Variants in JAKMIP2 observed in about 807,000 individuals in gnomAD.
JAKMIP2 encodes the protein janus kinase and microtubule-interacting protein 2.
A neutral mutation model predicts 115.0 loss-of-function variants in JAKMIP2; 25 were observed. That is an observed-to-expected ratio of 0.22 (90% CI 0.16 to 0.30). The LOEUF (loss-of-function observed/expected upper bound fraction) is 0.30. Among genes scored for constraint, JAKMIP2 ranks in the 10% least tolerant of loss-of-function variants. The pLI is 1.00. For missense variants in JAKMIP2, 642 were observed against 957.6 expected (o/e 0.67, Z 4.35); for synonymous variants, 334 against 343.6 (o/e 0.97, Z 0.31).
intron 1 of JAKMIP2, among the ~76,000 whole-genome samples, chr5:147,779,424 A>T (rs1043486235): frequency 9.9e-5 from 15 of 151,788 alleles, no homozygotes; most frequent in East Asian, 3.8e-4. Flanking sequence ...TTGTTTTTTT[A>T]AAAAAAACAA....
At chr5:147,691,327 G>T (rs1751841701) in intron 1 of JAKMIP2, among the ~76,000 whole-genome samples, 2 of 152,070 alleles carry the variant, frequency 1.3e-5, no homozygotes, top group Non-Finnish European at 2.9e-5. Context: ...ACAGACTGGG[G>T]AATGCTATTA....
intron 1 of JAKMIP2, among the ~76,000 whole-genome samples, chr5:147,760,324 G>C (rs1754887696): frequency 6.6e-6 from 1 of 151,540 alleles, no homozygotes; most frequent in South Asian, 2.1e-4. Context: ...AGAAAACAAG[G>C]AAGTCAAGCA....
intron 1 of JAKMIP2, among the ~76,000 whole-genome samples, chr5:147,721,668 T>C (rs1215162203): frequency 1.3e-5 from 2 of 152,208 alleles, no homozygotes; most frequent in African/African-American, 2.4e-5. Flanking sequence ...CCTGACCCCT[T>C]GCGCTTCCCA....
intron 2 of JAKMIP2, among the ~76,000 whole-genome samples, chr5:147,669,419 C>T (rs1018495376): frequency 1.3e-5 from 2 of 152,164 alleles, no homozygotes; most frequent in East Asian, 3.9e-4. Flanking sequence ...GCTTGGCCTG[C>T]GGGCTTAGAC....
intron 7 of JAKMIP2, among the ~76,000 whole-genome samples, chr5:147,642,931 C>T (rs879191547): frequency 1.3e-5 from 2 of 152,024 alleles, no homozygotes; most frequent in African/African-American, 4.8e-5. Flanking sequence ...GGCAGAAGCA[C>T]GTGAAGAGAC....
In JAKMIP2 at chr5:147,626,248, G is replaced by A. The variant is rs1757087323; in HGVS notation, c.1995+2503C>T. ...AACAGACCATGAGCACTTTAGGGAA[G>A]GCTTGTGTCTTGTTCATCTGGTTCC... On this transcript the variant is annotated intron_variant, in intron 16 of 21. Coordinates refer to ENST00000616793, the MANE Select transcript of JAKMIP2 (RefSeq NM_001270941.2). 3.9e-5 allele frequency among the ~76,000 whole-genome samples: 6 copies of A among 152,204 alleles called. No individual in the cohort carries two copies. The South Asian group carries it at 1.2e-3, about 32-fold the overall frequency.
chr5:147,641,909 G>A (rs1757897898), intron 7 of JAKMIP2, 145 bp from the exon 8 acceptor site: 2 of 625,218 alleles, frequency 3.2e-6, no homozygotes, highest in Admixed American at 3.0e-5. Flanking sequence ...CAACTTTTGG[G>A]ATTGATACTT....
At chr5:147,777,292 T>C (rs920424880) in intron 1 of JAKMIP2, among the ~76,000 whole-genome samples, 2 of 152,102 alleles carry the variant, frequency 1.3e-5, no homozygotes, top group African/African-American at 2.4e-5. Flanking sequence ...AAAAGTAAAG[T>C]GTGAACACTC....
chr5:147,595,836 A>G (rs1273947153), intron 21 of JAKMIP2, among the ~76,000 whole-genome samples: 1 of 152,162 alleles, frequency 6.6e-6, no homozygotes, highest in African/African-American at 2.4e-5. Context: ...ACAAAATTAT[A>G]TGGTCATTAT....
intron 1 of JAKMIP2, among the ~76,000 whole-genome samples, chr5:147,755,635 ATTAACTTTTATTTTTAATTT>A (rs1358774180): frequency 6.6e-6 from 1 of 152,104 alleles, no homozygotes; most frequent in East Asian, 1.9e-4. Context: ...ACCAAGGCAG[ATTAACTTTTATTTTTAATTT>A]TTTTTAGAGA....
intron 1 of JAKMIP2, among the ~76,000 whole-genome samples, chr5:147,757,296 C>T (rs1754781020): frequency 6.6e-6 from 1 of 152,062 alleles, no homozygotes; most frequent in Admixed American, 6.6e-5. Flanking sequence ...CGAGGGAGAA[C>T]CCTTCACAGG....
chr5:147,589,725 T>A lies in JAKMIP2; in HGVS notation c.*1982A>T, dbSNP rs1045270022. The A allele has an allele frequency of 4.6e-5, 7 of 152,304 alleles. No homozygotes were observed. Among genetic ancestry groups the A allele is most frequent in the African/African-American group, 1.7e-4 (7 of 41,572 alleles). 9.4% of individuals were successfully genotyped at this position (152,304 alleles called of 1,614,324 possible). A position where few individuals can be genotyped will look rare whatever the true frequency, so the allele number is the denominator to read the frequency against. ...ATAGCATGAGATGATCTATTTCCTA[T>A]AGATTATTAAAGATCCTGGTTTTGA... On this transcript the variant is annotated 3_prime_UTR_variant, in exon 22 of 22. Transcript: ENST00000616793.
intron 1 of JAKMIP2, among the ~76,000 whole-genome samples, chr5:147,712,244 C>G (rs1752810201): frequency 6.6e-6 from 1 of 152,152 alleles, no homozygotes; most frequent in Non-Finnish European, 1.5e-5. Flanking sequence ...CAGGAAATAA[C>G]TGCACAGGCC....
intron 5 of JAKMIP2, 27 bp downstream of exon 5, chr5:147,648,349 T>A: frequency 8.1e-7 from 1 of 1,241,084 alleles, no homozygotes; most frequent in Non-Finnish European, 1.2e-6. Context: ...AACAACAACA[T>A]CAACAAAAAT....
intron 1 of JAKMIP2, among the ~76,000 whole-genome samples, chr5:147,760,001 T>C (rs1426203423): frequency 6.6e-6 from 1 of 151,924 alleles, no homozygotes; most frequent in Non-Finnish European, 1.5e-5. Context: ...AGCAACAGGA[T>C]TGTTAACAGA....
chr5:147,708,506 C>T (rs1487671328), intron 1 of JAKMIP2, among the ~76,000 whole-genome samples: 1 of 152,078 alleles, frequency 6.6e-6, no homozygotes, highest in Non-Finnish European at 1.5e-5. Flanking sequence ...TTATAATTAC[C>T]AACACTTACA....
intron 1 of JAKMIP2, among the ~76,000 whole-genome samples, chr5:147,680,311 T>C (rs1187083624): frequency 6.6e-6 from 1 of 152,160 alleles, no homozygotes; most frequent in Non-Finnish European, 1.5e-5. Flanking sequence ...ACTAAAGAAA[T>C]CCATGCTTCT....
At chr5:147,706,295 A>G (rs1031511164) in intron 1 of JAKMIP2, among the ~76,000 whole-genome samples, 4 of 152,142 alleles carry the variant, frequency 2.6e-5, no homozygotes, top group African/African-American at 9.7e-5. Context: ...CTTCCCCAAG[A>G]CTGGAGAACC....
intron 1 of JAKMIP2, among the ~76,000 whole-genome samples, chr5:147,706,305 C>A (rs943095971): frequency 2.6e-5 from 4 of 152,202 alleles, no homozygotes; most frequent in Middle Eastern, 3.4e-3. Flanking sequence ...ACTGGAGAAC[C>A]AGCAACTGCA....
Sources: allele counts gnomAD v4.1 joint callset (sites outside exome capture counted in the v4.1 genomes callset), GRCh38; gene constraint gnomAD v4.1.1; transcripts MANE v1.5; gene names NCBI Gene and HGNC (gene_info 2026-07-23, HGNC 2026-07-21).